Variants in MAST2 observed in about 807,000 individuals in gnomAD.
MAST2 encodes microtubule associated serine/threonine kinase 2, also known as microtubule-associated serine/threonine-protein kinase 2.
A neutral mutation model predicts 147.4 loss-of-function variants in MAST2; 70 were observed. That is an observed-to-expected ratio of 0.47 (90% CI 0.39 to 0.58). The LOEUF is 0.58. MAST2 is among the 20% of genes least tolerant of loss of function. The pLI, the probability that MAST2 is intolerant of heterozygous loss-of-function variation, is 0.00. For missense variants in MAST2, 2,080 were observed against 2,302.3 expected, an observed-to-expected ratio of 0.90 and a Z score of 1.98; for synonymous variants, 869 against 896.8, an observed-to-expected ratio of 0.97 and a Z score of 0.55.
At chr1:45,923,190 T>C (rs558746985) in intron 4 of MAST2, among the ~76,000 whole-genome samples, 1 of 152,230 alleles carries the variant, frequency 6.6e-6, no homozygotes, top group East Asian at 1.9e-4. Flanking sequence ...CCTGGCCCAA[T>C]TGTGGCAGTT....
At chr1:45,914,022 A>G (rs1652080821) in intron 4 of MAST2, 1 of 382,578 alleles carries the variant, frequency 2.6e-6, no homozygotes, top group South Asian at 7.2e-5. Flanking sequence ...GATTAATTCA[A>G]GGTCAAAACA....
chr1:45,983,456 A>C (rs76586494), intron 5 of MAST2, among the ~76,000 whole-genome samples: 1 of 146,034 alleles, frequency 6.8e-6, no homozygotes, highest in Non-Finnish European at 1.5e-5. Flanking sequence ...TTCCCTCTCT[A>C]TTCTGTCCAT....
intron 3 of MAST2, among the ~76,000 whole-genome samples, chr1:45,864,944 A>C (rs1450374321): frequency 2.6e-5 from 4 of 152,240 alleles, no homozygotes; most frequent in Non-Finnish European, 5.9e-5. Context: ...GATATGAGGC[A>C]GTGATTGTAT....
intron 4 of MAST2, among the ~76,000 whole-genome samples, chr1:45,926,950 T>A (rs1654467796): frequency 6.6e-6 from 1 of 152,218 alleles, no homozygotes; most frequent in African/African-American, 2.4e-5. Flanking sequence ...TCATGTAGGT[T>A]CTTTTATATT....
At position 46,023,525 on chromosome 1, in the gene MAST2, T is replaced by C. The variant is rs79489213; in HGVS notation, c.1571+207T>C. The C allele has an allele frequency of 2.6e-3, 1,630 of 622,104 alleles. 18 individuals carry two copies. Among genetic ancestry groups the C allele is most frequent in the African/African-American group, 0.025 (1,381 of 54,246 alleles). The allele number at this position is 622,104 out of a possible 1,614,324, so 38.5% of individuals were successfully genotyped here. ...TCCCAGACAAGATTCCCACGCCTCTTACTACCACGCATCCTCCATTCCCTG... is the reference window on the plus strand; with the variant it reads ...TCCCAGACAAGATTCCCACGCCTCTCACTACCACGCATCCTCCATTCCCTG... On this transcript the variant is annotated intron_variant, in intron 14 of 28. Coordinates refer to ENST00000361297, the MANE Select transcript of MAST2 (RefSeq NM_015112.3). The surrounding 1 kb of genome is among the most constrained non-coding windows in gnomAD (Gnocchi z 4.9).
At chr1:45,959,769 T>A (rs1660144965) in intron 5 of MAST2, among the ~76,000 whole-genome samples, 1 of 152,184 alleles carries the variant, frequency 6.6e-6, no homozygotes, top group African/African-American at 2.4e-5. Flanking sequence ...TTCTAGTGTG[T>A]TACAGCTCCA....
At chr1:45,923,017 C>T (rs1192001653) in intron 4 of MAST2, among the ~76,000 whole-genome samples, 4 of 152,142 alleles carry the variant, frequency 2.6e-5, no homozygotes, top group East Asian at 3.9e-4. Flanking sequence ...CTTTCACTTC[C>T]TACCCTGGGC....
intron 28 of MAST2, 42 bp from the exon 29 acceptor site, chr1:46,034,496 T>G: frequency 6.3e-7 from 1 of 1,578,746 alleles, no homozygotes; most frequent in Non-Finnish European, 8.6e-7. Flanking sequence ...CAGCTAACAC[T>G]GCTCTGCTTT....
At chr1:45,960,047 G>A (rs1266801250) in intron 5 of MAST2, among the ~76,000 whole-genome samples, 2 of 152,084 alleles carry the variant, frequency 1.3e-5, no homozygotes, top group Non-Finnish European at 2.9e-5. Flanking sequence ...TGGGATTATA[G>A]GTGTGAGCCA....
chr1:45,992,156 A>G (rs1379240159), intron 5 of MAST2, among the ~76,000 whole-genome samples: 1 of 152,178 alleles, frequency 6.6e-6, no homozygotes, highest in Non-Finnish European at 1.5e-5. Flanking sequence ...ATGAAGTATT[A>G]TGTTAACAAC....
At chr1:45,966,173 C>T (rs544027760) in intron 5 of MAST2, among the ~76,000 whole-genome samples, 3 of 152,278 alleles carry the variant, frequency 2.0e-5, no homozygotes, top group Middle Eastern at 3.4e-3. Context: ...GAAGTTTCCT[C>T]CATGTCTTTC....
intron 5 of MAST2, among the ~76,000 whole-genome samples, chr1:45,987,827 A>C (rs1446111842): frequency 1.3e-4 from 15 of 117,706 alleles, no homozygotes; most frequent in Non-Finnish European, 2.3e-4. Flanking sequence ...GTTAGAGACC[A>C]AGTCTCACTA....
chr1:45,913,409 CTATGTAT>C (rs1391605729), intron 4 of MAST2, among the ~76,000 whole-genome samples: 1 of 152,200 alleles, frequency 6.6e-6, no homozygotes, highest in East Asian at 1.9e-4. Flanking sequence ...TTTCAAGTTG[CTATGTAT>C]AATTTCTGCC....
chr1:45,988,575 T>C (rs1314504829), intron 5 of MAST2, among the ~76,000 whole-genome samples: 1 of 152,230 alleles, frequency 6.6e-6, no homozygotes, highest in Non-Finnish European at 1.5e-5. Flanking sequence ...TGTTTGGTAG[T>C]GGTCTGTAAG....
In MAST2 at chr1:45,875,018, C is replaced by T. The variant is rs77253725; in HGVS notation, c.469-7346C>T. Among the ~76,000 whole-genome samples the T allele has an allele frequency of 9.6e-4, 146 of 152,196 alleles. 1 individual carries two copies. The highest frequency in any genetic ancestry group is 3.2e-3 in the African/African-American group (131 of 41,522). On this transcript the variant is annotated intron_variant, in intron 3 of 28. Transcript: ENST00000361297. ...CATGGCAAGTCTGAGTCCAAAACTC[C>T]AATAAGACTGGAGAATTATGCAAAT...
At chr1:45,905,496 C>T (rs891653660) in intron 4 of MAST2, among the ~76,000 whole-genome samples, 13 of 152,042 alleles carry the variant, frequency 8.6e-5, no homozygotes, top group Admixed American at 3.3e-4. Flanking sequence ...ATGAAAGAGC[C>T]GGCTGTGCGC....
chr1:46,000,827 A>G, intron 6 of MAST2: 1 of 534,030 alleles, frequency 1.9e-6, no homozygotes, highest in South Asian at 1.7e-5. Context: ...TTGGTCCTAC[A>G]ATTTCACTTC....
chr1:45,967,385 G>C (rs189704770), intron 5 of MAST2, among the ~76,000 whole-genome samples: 41 of 152,024 alleles, frequency 2.7e-4, no homozygotes, highest in Non-Finnish European at 5.9e-5. Flanking sequence ...TATAACTTTT[G>C]ACTGCCCCGA....
At chr1:45,925,149 C>T (rs1039542622) in intron 4 of MAST2, among the ~76,000 whole-genome samples, 2 of 152,144 alleles carry the variant, frequency 1.3e-5, no homozygotes, top group African/African-American at 4.8e-5. Context: ...TCTTTATTGA[C>T]TGTATCTTAG....
Sources: gnomAD v4.1 joint callset for allele counts (sites outside exome capture counted in the v4.1 genomes callset) on GRCh38, gnomAD v4.1.1 for gene constraint, Gnocchi (gnomAD v3.1) non-coding constraint, MANE v1.5 for transcripts, NCBI Gene and HGNC (gene_info 2026-07-23, HGNC 2026-07-21) for gene names.